Variants in LSM3 observed in about 807,000 individuals in gnomAD.
The protein encoded by LSM3 is LSM3 homolog, U6 small nuclear RNA and mRNA degradation associated.
In LSM3, 14 loss-of-function variants were observed where a neutral mutation model predicts 15.4. That is an observed-to-expected ratio of 0.91 (90% CI 0.60 to 1.42). The LOEUF (loss-of-function observed/expected upper bound fraction) is 1.42. LSM3 is among the 40% of genes most tolerant of loss of function. LSM3 has a pLI of 0.00. For missense variants in LSM3, 88 were observed against 127.9 expected, an observed-to-expected ratio of 0.69 and a Z score of 1.50; for synonymous variants, 46 against 45.1, an observed-to-expected ratio of 1.02 and a Z score of -0.08.
At chr3:14,184,231 A>G (rs566680969) in intron 3 of LSM3, among the ~76,000 whole-genome samples, 199 bp downstream of exon 3, 1 of 152,276 alleles carries the variant, frequency 6.6e-6, no homozygotes, top group East Asian at 1.9e-4. Context: ...TACTTGGGCT[A>G]CCTTGGGCAA....
intron 3 of LSM3, among the ~76,000 whole-genome samples, chr3:14,192,855 C>G (rs1697153151): frequency 1.3e-5 from 2 of 152,178 alleles, no homozygotes; most frequent in African/African-American, 2.4e-5. Flanking sequence ...TTAGTTAATG[C>G]AGTTTCTTCA....
At chr3:14,183,786 A>G (rs1697061200) in intron 2 of LSM3, 151 bp from the exon 3 acceptor site, 1 of 521,764 alleles carries the variant, frequency 1.9e-6, no homozygotes, top group Non-Finnish European at 3.4e-6. Context: ...GTATATTAGT[A>G]CTGTAGGATT....
intron 3 of LSM3, among the ~76,000 whole-genome samples, chr3:14,195,490 G>A (rs1697180336): frequency 6.6e-6 from 1 of 152,148 alleles, no homozygotes; most frequent in African/African-American, 2.4e-5. Flanking sequence ...ATGACCATGG[G>A]TTAACTTACC....
At chr3:14,182,272 ATACT>A (rs1559390608) in intron 2 of LSM3, among the ~76,000 whole-genome samples, 1 of 151,948 alleles carries the variant, frequency 6.6e-6, no homozygotes, top group East Asian at 1.9e-4. Flanking sequence ...ACATGTGCAC[ATACT>A]TGCATTATGT....
At chr3:14,194,188 G>A (rs1241617253) in intron 3 of LSM3, among the ~76,000 whole-genome samples, 1 of 152,216 alleles carries the variant, frequency 6.6e-6, no homozygotes, top group Non-Finnish European at 1.5e-5. Context: ...TGTATGAGGT[G>A]TCTGTCGGCC....
Position 14,197,904 on chromosome 3 carries a change from A to G in LSM3, c.229-132A>G, listed in dbSNP as rs568020088. 1.8e-4 allele frequency: 125 copies of G among 692,904 alleles called. 2 individuals are homozygous for G. The South Asian group carries it at 2.2e-3, about 12-fold the overall frequency. The allele number at this position is 692,904 out of a possible 1,614,324, so 42.9% of individuals were successfully genotyped here. On this transcript the variant is annotated intron_variant, in intron 3 of 3. Coordinates refer to ENST00000306024, the MANE Select transcript of LSM3 (RefSeq NM_014463.3). ...TGATGGATTGGTTCTTGGTGCTACC[A>G]AGGGAAGTGATCAGGTTTTTTAATC...
intron 3 of LSM3, among the ~76,000 whole-genome samples, chr3:14,191,852 A>G (rs1697143037): frequency 1.3e-5 from 2 of 151,738 alleles, no homozygotes; most frequent in Non-Finnish European, 2.9e-5. Context: ...TTGCTTCTCT[A>G]GTTATTTTAA....
At chr3:14,185,916 G>C (rs1697084228) in intron 3 of LSM3, among the ~76,000 whole-genome samples, 1 of 151,736 alleles carries the variant, frequency 6.6e-6, no homozygotes, top group Admixed American at 6.6e-5. Context: ...TTGTCAGAAA[G>C]GTCTTTTTTT....
In LSM3 at chr3:14,199,740, A is replaced by T. The variant is rs970581021; in HGVS notation, c.*1624A>T. 1 of 152,186 alleles carries T rather than the reference A, an allele frequency of 6.6e-6. No individual in the cohort carries two copies. The highest frequency in any genetic ancestry group is 2.4e-5 in the African/African-American group (1 of 41,432). The allele number at this position is 152,186 out of a possible 1,614,324, so 9.4% of individuals were successfully genotyped here. On this transcript the variant is annotated 3_prime_UTR_variant, in exon 4 of 4. Transcript: ENST00000306024. ...GCAGCCCATTCAGTATTGAAAAATG[A>T]ACTCCCTCCTGCAGAATGTTAGAAG...
rs773585493 is a variant in LSM3 at position 14,198,074 on chromosome 3, A to G, written c.267A>G (p.Gly89=). The change falls in exon 4 of 4, where the codon GGA becomes GGG. Residue 89 remains glycine, a synonymous_variant. Coordinates refer to ENST00000306024, the MANE Select transcript of LSM3 (RefSeq NM_014463.3). ...ATATTCCAATGCTCTTTGTCCGGGG[A>G]GATGGCGTTGTCCTGGTTGCCCCTC... ...KRNIPMLFVR[G]DGVVLVAPPL... is the part of the protein sequence containing the mutation. 25 of 1,613,348 alleles carry G rather than the reference A, an allele frequency of 1.5e-5. No homozygotes were observed. The South Asian group carries it at 2.2e-4, about 14-fold the overall frequency.
chr3:14,186,146 C>G (rs979176171), intron 3 of LSM3, among the ~76,000 whole-genome samples: 12 of 152,126 alleles, frequency 7.9e-5, no homozygotes, highest in African/African-American at 2.9e-4. Flanking sequence ...CCTGGCCTCC[C>G]AAAGTGCTGG....
intron 2 of LSM3, among the ~76,000 whole-genome samples, chr3:14,183,509 A>G (rs1450319895): frequency 6.6e-6 from 1 of 152,208 alleles, no homozygotes; most frequent in Non-Finnish European, 1.5e-5. Flanking sequence ...CAGTAAACAA[A>G]GGATTTTATC....
intron 3 of LSM3, among the ~76,000 whole-genome samples, chr3:14,186,106 T>G (rs1252571791): frequency 6.6e-6 from 1 of 152,212 alleles, no homozygotes; most frequent in Non-Finnish European, 1.5e-5. Flanking sequence ...AAGACAGGTT[T>G]CACCATGTTG....
At chr3:14,197,055 A>G (rs1697193350) in intron 3 of LSM3, among the ~76,000 whole-genome samples, 1 of 152,160 alleles carries the variant, frequency 6.6e-6, no homozygotes. Flanking sequence ...CCTTAATCTG[A>G]TCTTTGCCTC....
intron 3 of LSM3, among the ~76,000 whole-genome samples, chr3:14,191,163 G>A (rs113251849): frequency 1.4e-4 from 22 of 152,220 alleles, no homozygotes; most frequent in African/African-American, 5.3e-4. Flanking sequence ...AGCTTTTTGA[G>A]GTGCTGCTGG....
chr3:14,187,593 C>G (rs981211379), intron 3 of LSM3, among the ~76,000 whole-genome samples: 8 of 152,218 alleles, frequency 5.3e-5, no homozygotes, highest in African/African-American at 1.7e-4. Flanking sequence ...GCTCTTGTTA[C>G]TCCTCTCCAA....
chr3:14,188,966 C>T (rs1037970502), intron 3 of LSM3, among the ~76,000 whole-genome samples: 4 of 152,122 alleles, frequency 2.6e-5, no homozygotes, highest in South Asian at 2.1e-4. Flanking sequence ...TCCCAGCCCC[C>T]GACAGGCCCT....
chr3:14,179,015 AC>A (rs983463425), intron 1 of LSM3, 134 bp downstream of exon 1: 21 of 953,306 alleles, frequency 2.2e-5, no homozygotes, highest in Non-Finnish European at 2.8e-5. Flanking sequence ...CCTTTCCGTA[AC>A]CCCCCCTCCG....
intron 3 of LSM3, among the ~76,000 whole-genome samples, chr3:14,196,072 C>T (rs1276058109): frequency 6.6e-6 from 1 of 151,992 alleles, no homozygotes; most frequent in African/African-American, 2.4e-5. Context: ...CCTGCCTCAG[C>T]CTCCCAAGTA....
Sources: allele counts gnomAD v4.1 joint callset (sites outside exome capture counted in the v4.1 genomes callset), GRCh38; gene constraint gnomAD v4.1.1; transcripts MANE v1.5; gene names NCBI Gene and HGNC (gene_info 2026-07-23, HGNC 2026-07-21).